The following ZSCAN5A variants were observed in gnomAD, a reference collection of about 807,000 sequenced individuals.
ZSCAN5A encodes the protein zinc finger and SCAN domain containing 5A, also known as zinc finger and SCAN domain-containing protein 5A.
A neutral mutation model predicts 23.7 loss-of-function variants in ZSCAN5A; 12 were observed. The observed-to-expected ratio is 0.51, with a 90% CI of 0.32 to 0.82. The LOEUF (loss-of-function observed/expected upper bound fraction) is 0.82. Ranked by LOEUF, ZSCAN5A falls within the 40% of genes least tolerant of loss-of-function variation. The pLI is 0.03. For missense variants in ZSCAN5A, 597 were observed against 617.9 expected (o/e 0.97, Z 0.36); for synonymous variants, 257 against 239.9 (o/e 1.07, Z -0.66).
intron 2 of ZSCAN5A, among the ~76,000 whole-genome samples, chr19:56,226,884 A>G (rs1007026186): frequency 2.0e-5 from 3 of 152,126 alleles, no homozygotes; most frequent in South Asian, 2.1e-4. Flanking sequence ...TCATGCAACA[A>G]ATCTGCACAG....
rs190205910 is a variant in ZSCAN5A, at chr19:56,232,357, G to A, written c.-127-7184C>T. Among the ~76,000 whole-genome samples the A allele has an allele frequency of 1.0e-3, 159 of 151,906 alleles. 1 individual carries two copies. The highest frequency in any genetic ancestry group is 3.6e-3 in the African/African-American group (148 of 41,382). Reference sequence around the variant, plus strand: ...TTTCTGGCTGTCCCCTTTCACCTTCGTAACTATTTTGAGATTCATCCATGT... The same window carrying A: ...TTTCTGGCTGTCCCCTTTCACCTTCATAACTATTTTGAGATTCATCCATGT... On this transcript the variant is annotated intron_variant, in intron 2 of 5. Transcript: ENST00000683990.
At chr19:56,356,757 T>A (rs191178741) in intron 2 of ZSCAN5A, among the ~76,000 whole-genome samples, 1 of 148,868 alleles carries the variant, frequency 6.7e-6, no homozygotes, top group East Asian at 1.9e-4. Context: ...AAAAACTGCC[T>A]GTGGGGTTAT....
intron 2 of ZSCAN5A, among the ~76,000 whole-genome samples, chr19:56,235,379 C>T (rs71352871): frequency 9.3e-5 from 1 of 10,708 alleles, no homozygotes; most frequent in African/African-American, 4.2e-4. Context: ...TCTGATGGAC[C>T]GTGGGCCAAG....
At chr19:56,261,743 T>C (rs1221771637) in intron 2 of ZSCAN5A, among the ~76,000 whole-genome samples, 4 of 151,848 alleles carry the variant, frequency 2.6e-5, no homozygotes, top group Non-Finnish European at 5.9e-5. Context: ...CAAAAACTGA[T>C]ATTATTGAAA....
intron 2 of ZSCAN5A, among the ~76,000 whole-genome samples, chr19:56,288,851 G>A (rs559542996): frequency 6.6e-6 from 1 of 152,220 alleles, no homozygotes; most frequent in African/African-American, 2.4e-5. Flanking sequence ...TGCAACCTGG[G>A]CTGCCTACAT....
intron 2 of ZSCAN5A, among the ~76,000 whole-genome samples, chr19:56,344,795 C>T (rs1230841728): frequency 2.0e-5 from 3 of 148,336 alleles, no homozygotes; most frequent in Non-Finnish European, 3.0e-5. Flanking sequence ...CCCAGCTACT[C>T]GGGAGGCTGA....
chr19:56,342,704 T>C (rs552575575), intron 2 of ZSCAN5A: 2 of 636,966 alleles, frequency 3.1e-6, no homozygotes, highest in South Asian at 1.9e-5. Flanking sequence ...ACTATACATC[T>C]GTTTTTCCTC....
At chr19:56,331,915 C>T (rs1027501801) in intron 2 of ZSCAN5A, among the ~76,000 whole-genome samples, 1 of 151,892 alleles carries the variant, frequency 6.6e-6, no homozygotes, top group African/African-American at 2.4e-5. Flanking sequence ...TTTTATTTCT[C>T]CCTTAATTTC....
At chr19:56,255,687 A>G (rs757222880) in intron 2 of ZSCAN5A, among the ~76,000 whole-genome samples, 4 of 151,406 alleles carry the variant, frequency 2.6e-5, no homozygotes, top group Non-Finnish European at 5.9e-5. Flanking sequence ...TCATAATTAC[A>G]CAGCCTACCT....
intron 2 of ZSCAN5A, among the ~76,000 whole-genome samples, chr19:56,304,096 C>T (rs2040521846): frequency 6.6e-6 from 1 of 152,162 alleles, no homozygotes; most frequent in Admixed American, 6.5e-5. Flanking sequence ...CTTCTCAATG[C>T]TGCCTGTGGA....
At chr19:56,343,778 C>T (rs1037226607) in intron 2 of ZSCAN5A, among the ~76,000 whole-genome samples, 1 of 152,186 alleles carries the variant, frequency 6.6e-6, no homozygotes, top group Non-Finnish European at 1.5e-5. Context: ...TTCCTGGTTC[C>T]TTTTACCTTG....
At chr19:56,302,622 C>G (rs552198125) in intron 2 of ZSCAN5A, among the ~76,000 whole-genome samples, 2 of 126,904 alleles carry the variant, frequency 1.6e-5, no homozygotes, top group South Asian at 6.1e-4. Context: ...CCTCTTCCTC[C>G]CTCCCTCCTC....
At position 56,351,005 on chromosome 19, in the gene ZSCAN5A, C is replaced by T. The variant is rs1345603255; in HGVS notation, c.-358+12230G>A. 6.6e-6 allele frequency among the ~76,000 whole-genome samples: 1 copy of T among 152,002 alleles called. No individual in the cohort carries two copies. The highest frequency in any genetic ancestry group is 6.6e-5 in the Admixed American group (1 of 15,258). ...CCCAATTGCTGTCCCCCCCCAACCA[C>T]ACGCCCCTTTTCAGCAGACAGTACC... On this transcript the variant is annotated intron_variant, in intron 2 of 6. Transcript: ENST00000587340. This position sits in a 1 kb window ranked among gnomAD's most constrained non-coding sequence, Gnocchi z 4.8.
In ZSCAN5A at chr19:56,339,808, G is replaced by A. The variant is rs573724932; in HGVS notation, c.-358+23427C>T. On this transcript the variant is annotated intron_variant, in intron 2 of 6. Coordinates refer to the ZSCAN5A transcript ENST00000587340. ...CGCATTTAGCAATATGTGAAGGAGC[G>A]GTTGTAGCCGCATTTAGCAATATGT... 9.7e-5 allele frequency among the ~76,000 whole-genome samples: 14 copies of A among 144,282 alleles called. 1 individual carries two copies. In the East Asian group the frequency reaches 2.5e-3, roughly 25 times the overall value. The allele number at this position is 144,282 out of a possible 152,430, so 94.7% of individuals were successfully genotyped here.
chr19:56,349,408 A>C (rs1448076327), intron 2 of ZSCAN5A, among the ~76,000 whole-genome samples: 2 of 152,170 alleles, frequency 1.3e-5, no homozygotes, highest in African/African-American at 4.8e-5. Flanking sequence ...AAGAAATAGA[A>C]GATCTTGGCC....
intron 2 of ZSCAN5A, among the ~76,000 whole-genome samples, chr19:56,250,945 T>C (rs1251046482): frequency 6.6e-6 from 1 of 152,110 alleles, no homozygotes; most frequent in Non-Finnish European, 1.5e-5. Context: ...GGGCAAAAGA[T>C]CAAGACCATC....
intron 2 of ZSCAN5A, among the ~76,000 whole-genome samples, chr19:56,330,831 A>ATT (rs34978960): frequency 6.6e-6 from 1 of 151,902 alleles, no homozygotes; most frequent in Non-Finnish European, 1.5e-5. Context: ...CCAATTTGTC[A>ATT]TTTTTTTGTT....
At chr19:56,223,173 C>A (rs562834375) in intron 4 of ZSCAN5A, among the ~76,000 whole-genome samples, 58 of 152,276 alleles carry the variant, frequency 3.8e-4, no homozygotes, top group African/African-American at 1.4e-3. Flanking sequence ...CTATTAACAC[C>A]CCACCATCCC....
At chr19:56,311,101 T>C (rs2041007807) in intron 2 of ZSCAN5A, among the ~76,000 whole-genome samples, 1 of 152,198 alleles carries the variant, frequency 6.6e-6, no homozygotes, top group Non-Finnish European at 1.5e-5. Context: ...GGTTTCGTTG[T>C]TGTTGTTGTA....
Sources: allele counts gnomAD v4.1 joint callset (sites outside exome capture counted in the v4.1 genomes callset), GRCh38; gene constraint gnomAD v4.1.1; non-coding constraint Gnocchi (gnomAD v3.1); transcripts MANE v1.5; gene names NCBI Gene and HGNC (gene_info 2026-07-23, HGNC 2026-07-21).